Variants in KIF6 observed in about 807,000 individuals in gnomAD.
KIF6 encodes the protein kinesin family member 6.
A neutral mutation model predicts 112.7 loss-of-function variants in KIF6; 106 were observed. That is an observed-to-expected ratio of 0.94 (90% CI 0.80 to 1.11). KIF6 has a LOEUF of 1.11. Among genes scored for constraint, KIF6 ranks in the 50% least tolerant of loss-of-function variants. KIF6 has a pLI of 0.00. For synonymous variants in KIF6, 339 were observed against 339.9 expected (o/e 1.00, Z 0.03); for missense variants, 929 against 964.0 (o/e 0.96, Z 0.48).
chr6:39,340,805 T>C (rs1158368463), intron 22 of KIF6, among the ~76,000 whole-genome samples: 1 of 152,094 alleles, frequency 6.6e-6, no homozygotes, highest in Non-Finnish European at 1.5e-5. Flanking sequence ...ACATCTCTTA[T>C]ATGTACAAAA....
intron 10 of KIF6, among the ~76,000 whole-genome samples, chr6:39,571,624 T>A (rs1780644793): frequency 6.6e-6 from 1 of 152,226 alleles, no homozygotes; most frequent in Non-Finnish European, 1.5e-5. Context: ...ATTAAATGAA[T>A]GAATGAATTT....
At chr6:39,461,012 G>T (rs182843516) in intron 13 of KIF6, among the ~76,000 whole-genome samples, 1 of 152,244 alleles carries the variant, frequency 6.6e-6, no homozygotes, top group Admixed American at 6.5e-5. Context: ...CTTCATTCTT[G>T]CATTCCTTCA....
At chr6:39,346,087 C>CTCTCTCT (rs1562112885) in intron 20 of KIF6, among the ~76,000 whole-genome samples, 12 of 2,808 alleles carry the variant, frequency 4.3e-3, no homozygotes, top group East Asian at 0.026. Flanking sequence ...TCTCTCTCTC[C>CTCTCTCT]CCCCCCTCTC....
chr6:39,460,774 C>G (rs553200381), intron 13 of KIF6, among the ~76,000 whole-genome samples: 67 of 152,258 alleles, frequency 4.4e-4, no homozygotes, highest in African/African-American at 1.4e-3. Flanking sequence ...GCACTTTACT[C>G]TTATAGAAAG....
intron 13 of KIF6, among the ~76,000 whole-genome samples, chr6:39,463,182 T>TA (rs1279447261): frequency 1.3e-5 from 2 of 152,168 alleles, no homozygotes; most frequent in Non-Finnish European, 2.9e-5. Context: ...GGGTAACATG[T>TA]AATCTTATGG....
chr6:39,369,222 C>T (rs893535171), intron 16 of KIF6, among the ~76,000 whole-genome samples: 15 of 152,112 alleles, frequency 9.9e-5, no homozygotes, highest in African/African-American at 2.9e-4. Flanking sequence ...CAGCTGGAGC[C>T]GTCACATGCC....
intron 13 of KIF6, among the ~76,000 whole-genome samples, chr6:39,465,715 G>A (rs1773743965): frequency 6.6e-6 from 1 of 152,122 alleles, no homozygotes; most frequent in African/African-American, 2.4e-5. Context: ...TAACAACTGG[G>A]CCCTACCCTA....
chr6:39,437,894 A>G (rs536895855), intron 13 of KIF6, among the ~76,000 whole-genome samples: 1 of 152,314 alleles, frequency 6.6e-6, no homozygotes, highest in Non-Finnish European at 1.5e-5. Flanking sequence ...TATTGCGTAT[A>G]TAATTATATA....
intron 3 of KIF6, among the ~76,000 whole-genome samples, chr6:39,702,891 T>A (rs1049321822): frequency 8.3e-5 from 3 of 35,962 alleles, no homozygotes; most frequent in Non-Finnish European, 2.3e-4. Flanking sequence ...AAGGAAGAAA[T>A]GTCATTTGCA....
intron 13 of KIF6, among the ~76,000 whole-genome samples, chr6:39,530,349 G>C (rs765385995): frequency 6.6e-6 from 1 of 152,174 alleles, no homozygotes; most frequent in Non-Finnish European, 1.5e-5. Flanking sequence ...AACACTGACT[G>C]GTTCCAGGTG....
At chr6:39,430,030 T>C (rs1771042194) in intron 14 of KIF6, among the ~76,000 whole-genome samples, 1 of 152,208 alleles carries the variant, frequency 6.6e-6, no homozygotes, top group Non-Finnish European at 1.5e-5. Flanking sequence ...CTCTGTACAC[T>C]TCCCAGTTCC....
intron 6 of KIF6, among the ~76,000 whole-genome samples, chr6:39,610,271 C>G (rs764631048): frequency 1.2e-4 from 18 of 152,078 alleles, no homozygotes; most frequent in Non-Finnish European, 4.4e-5. Flanking sequence ...AAGTTTTATT[C>G]AAAACATTGG....
chr6:39,674,680 T>G (rs1007963322), intron 3 of KIF6, among the ~76,000 whole-genome samples: 1 of 151,826 alleles, frequency 6.6e-6, no homozygotes, highest in South Asian at 2.1e-4. Context: ...GGAAAATCTT[T>G]AGTGGCCTAT....
chr6:39,483,635 A>G (rs138850243), intron 13 of KIF6, among the ~76,000 whole-genome samples: 4 of 152,288 alleles, frequency 2.6e-5, no homozygotes, highest in African/African-American at 9.6e-5. Context: ...AAAGAGATCT[A>G]AAGTTTGACC....
rs74711703 is a variant in KIF6 at position 39,501,256 on chromosome 6, C to G, written c.1645+38747G>C. On this transcript the variant is annotated intron_variant, in intron 13 of 22. Coordinates refer to ENST00000287152, the MANE Select transcript of KIF6 (RefSeq NM_145027.6). ...CCACAGCAGACCTATGAAGAATAGT[C>G]AGGCTGTTAAAAGAAAAACAAACAA... 0.012 allele frequency among the ~76,000 whole-genome samples: 1,800 copies of G among 151,638 alleles called. 177 individuals are homozygous for G. The East Asian group carries it at 0.25, about 21-fold the overall frequency.
chr6:39,583,548 T>C (rs1582194774), intron 9 of KIF6: 1 of 466,414 alleles, frequency 2.1e-6, no homozygotes, highest in East Asian at 7.0e-5. Flanking sequence ...TGTCCTTCCA[T>C]GGGGAGAAAG....
At chr6:39,494,763 G>A (rs9367012) in intron 13 of KIF6, among the ~76,000 whole-genome samples, 6,471 of 150,742 alleles carry the variant, frequency 0.043, 274 homozygotes, top group East Asian at 0.25. Context: ...AACCAAATAG[G>A]TAAAATCCAT....
intron 13 of KIF6, among the ~76,000 whole-genome samples, chr6:39,507,149 G>A (rs999923481): frequency 2.6e-5 from 4 of 152,152 alleles, no homozygotes; most frequent in African/African-American, 9.7e-5. Flanking sequence ...GGCAACCTGG[G>A]ACTTGTGACT....
intron 19 of KIF6, among the ~76,000 whole-genome samples, chr6:39,355,018 C>T (rs926124343): frequency 6.6e-6 from 1 of 151,968 alleles, no homozygotes; most frequent in Non-Finnish European, 1.5e-5. Flanking sequence ...CCTCTACAAA[C>T]AATATCTATA....
Sources: allele counts gnomAD v4.1 joint callset (sites outside exome capture counted in the v4.1 genomes callset), GRCh38; gene constraint gnomAD v4.1.1; transcripts MANE v1.5; gene names NCBI Gene and HGNC (gene_info 2026-07-23, HGNC 2026-07-21).